KLF12: variants seen among roughly 807,000 people sequenced by gnomAD.
The protein encoded by KLF12 is Krueppel-like factor 12.
In KLF12, 9 loss-of-function variants were observed where a neutral mutation model predicts 37.8. The ratio of observed to expected loss-of-function variants is 0.24; its 90% CI spans 0.14 to 0.42. KLF12 has a LOEUF of 0.42. Among genes scored for constraint, KLF12 ranks in the 10% least tolerant of loss-of-function variants. The pLI is 1.00. For missense variants in KLF12, 411 were observed against 516.0 expected, an observed-to-expected ratio of 0.80 and a Z score of 1.97; for synonymous variants, 208 against 202.1, an observed-to-expected ratio of 1.03 and a Z score of -0.25.
intron 5 of KLF12, among the ~76,000 whole-genome samples, chr13:73,778,178 G>T (rs932600549): frequency 6.6e-6 from 1 of 151,828 alleles, no homozygotes; most frequent in African/African-American, 2.4e-5. Flanking sequence ...CCATAATTTT[G>T]TATGTTAAGT....
At chr13:74,236,229 A>G in the KLF12 span, among the ~76,000 whole-genome samples, 3 of 130,530 alleles carry the variant, frequency 2.3e-5, no homozygotes, top group Admixed American at 2.4e-4. Context: ...TTTACTGAGA[A>G]TGATGATTTC....
intron 1 of KLF12, among the ~76,000 whole-genome samples, chr13:74,033,302 A>T (rs568486300): frequency 6.6e-6 from 1 of 152,306 alleles, no homozygotes; most frequent in South Asian, 2.1e-4. Context: ...ATGCCCTTTT[A>T]TTATACATGC....
the KLF12 span, among the ~76,000 whole-genome samples, chr13:74,181,233 C>T: frequency 2.6e-5 from 4 of 151,802 alleles, 1 homozygote; most frequent in East Asian, 7.8e-4. Context: ...CTCCTGACCT[C>T]GTGATCCACC....
chr13:74,194,337 G>A, the KLF12 span, among the ~76,000 whole-genome samples: 28 of 152,248 alleles, frequency 1.8e-4, no homozygotes, highest in South Asian at 6.2e-4. Flanking sequence ...GTCTGTTTGC[G>A]CTGCTGTAAC....
intron 1 of KLF12, among the ~76,000 whole-genome samples, chr13:74,112,447 TA>T (rs1877039910): frequency 6.6e-6 from 1 of 151,692 alleles, no homozygotes; most frequent in Non-Finnish European, 1.5e-5. Flanking sequence ...TTTTACAAAT[TA>T]AAAGTTTTTG....
chr13:74,037,673 A>T (rs1893291060), intron 1 of KLF12, among the ~76,000 whole-genome samples: 1 of 152,192 alleles, frequency 6.6e-6, no homozygotes, highest in Non-Finnish European at 1.5e-5. Flanking sequence ...CTAAGTTCTG[A>T]TTAATAGGAG....
chr13:74,207,823 A>G, the KLF12 span, among the ~76,000 whole-genome samples: 1 of 152,198 alleles, frequency 6.6e-6, no homozygotes, highest in African/African-American at 2.4e-5. Context: ...TTTTTATCTT[A>G]TCATGATCTC....
chr13:74,277,966 A>G, the KLF12 span, among the ~76,000 whole-genome samples: 1 of 152,124 alleles, frequency 6.6e-6, no homozygotes, highest in Non-Finnish European at 1.5e-5. Flanking sequence ...TCAGGGTTAG[A>G]GCTGATGGAG....
At chr13:74,020,356 C>A (rs953085939) in intron 1 of KLF12, among the ~76,000 whole-genome samples, 5 of 152,178 alleles carry the variant, frequency 3.3e-5, no homozygotes, top group African/African-American at 1.2e-4. Context: ...CACTACAGGG[C>A]AAACCCTACA....
At chr13:74,156,181 T>G in the KLF12 span, among the ~76,000 whole-genome samples, 235 of 152,368 alleles carry the variant, frequency 1.5e-3, no homozygotes, top group African/African-American at 5.4e-3. Flanking sequence ...AAATCTCCCC[T>G]GAATATAGGA....
At chr13:73,840,322 T>C (rs1224972884) in intron 4 of KLF12, among the ~76,000 whole-genome samples, 1 of 152,156 alleles carries the variant, frequency 6.6e-6, no homozygotes, top group Non-Finnish European at 1.5e-5. Context: ...CAGTCGTCCA[T>C]GCTTCTCCTT....
chr13:73,999,666 T>G (rs937412423), intron 1 of KLF12, among the ~76,000 whole-genome samples: 1 of 151,806 alleles, frequency 6.6e-6, no homozygotes, highest in Non-Finnish European at 1.5e-5. Flanking sequence ...TGTGAACCCG[T>G]GAGGCACAGC....
At chr13:74,267,381 C>T in the KLF12 span, among the ~76,000 whole-genome samples, 1 of 152,176 alleles carries the variant, frequency 6.6e-6, no homozygotes, top group Non-Finnish European at 1.5e-5. Context: ...GGTATATATA[C>T]AGGATGGAAT....
chr13:74,107,794 G>A (rs1256854891), intron 1 of KLF12, among the ~76,000 whole-genome samples: 2 of 152,200 alleles, frequency 1.3e-5, no homozygotes, highest in Non-Finnish European at 2.9e-5. Context: ...AGCAGGAATC[G>A]ATGAAGAGCA....
intron 1 of KLF12, among the ~76,000 whole-genome samples, chr13:74,127,275 T>C (rs1181513171): frequency 6.6e-6 from 1 of 152,190 alleles, no homozygotes; most frequent in Non-Finnish European, 1.5e-5. Flanking sequence ...CAAGAAGACA[T>C]AAAAAATTTT....
At chr13:73,794,451 C>A (rs773624181) in intron 5 of KLF12, among the ~76,000 whole-genome samples, 1 of 152,142 alleles carries the variant, frequency 6.6e-6, no homozygotes, top group African/African-American at 2.4e-5. Context: ...CAGAGCAAGA[C>A]CCTGTCTCAA....
chr13:73,697,984 C>T (rs930381619), intron 7 of KLF12, among the ~76,000 whole-genome samples: 2 of 152,044 alleles, frequency 1.3e-5, no homozygotes, highest in African/African-American at 4.8e-5. Context: ...GACATTCTGT[C>T]TCTCCAGAAA....
At chr13:73,743,377 C>T (rs1253621057) in intron 6 of KLF12, among the ~76,000 whole-genome samples, 1 of 152,204 alleles carries the variant, frequency 6.6e-6, no homozygotes, top group Non-Finnish European at 1.5e-5. Context: ...CATTACTTCT[C>T]TCAGGATCAA....
the KLF12 span, among the ~76,000 whole-genome samples, chr13:74,192,531 G>T: frequency 6.6e-6 from 1 of 152,166 alleles, no homozygotes; most frequent in Non-Finnish European, 1.5e-5. Context: ...ATTATGCTTT[G>T]GTTTCACATA....
Sources: allele counts gnomAD v4.1 joint callset (sites outside exome capture counted in the v4.1 genomes callset), GRCh38; gene constraint gnomAD v4.1.1; transcripts MANE v1.5; gene names NCBI Gene and HGNC (gene_info 2026-07-23, HGNC 2026-07-21).